Variants in C11orf21 observed in about 807,000 individuals in gnomAD.
C11orf21 encodes the protein chromosome 11 open reading frame 21.
Under a neutral mutation model 15.2 loss-of-function variants are expected in C11orf21, and 19 were observed. The ratio of observed to expected loss-of-function variants is 1.25; its 90% CI spans 0.87 to 1.84. The LOEUF (loss-of-function observed/expected upper bound fraction) is 1.84, where lower values mean the gene tolerates loss of function less well. Ranked by LOEUF, C11orf21 falls within the 40% of genes most tolerant of loss-of-function variation. The pLI is 0.00. For synonymous variants in C11orf21, 62 were observed against 66.8 expected (o/e 0.93, Z 0.35); for missense variants, 171 against 174.4 (o/e 0.98, Z 0.11).
chr11:2,301,143 G>A (rs936784086), intron 1 of C11orf21: 5 of 273,174 alleles, frequency 1.8e-5, no homozygotes, highest in Non-Finnish European at 3.5e-5. Flanking sequence ...CTCCAGCAGC[G>A]TTCCTGAGCG....
intron 1 of C11orf21, 173 bp downstream of exon 1, chr11:2,301,583 G>T (rs1255282982): frequency 3.5e-6 from 2 of 578,028 alleles, no homozygotes; most frequent in South Asian, 2.5e-5. Flanking sequence ...GCCCACGAAG[G>T]CATTAAAACC....
intron 2 of C11orf21, 29 bp from the exon 3 acceptor site, chr11:2,299,736 C>G (rs16928081): frequency 6.5e-7 from 1 of 1,547,614 alleles, no homozygotes; most frequent in African/African-American, 1.4e-5. Context: ...GTAGAGTGAG[C>G]GGGCGCACCT....
chr11:2,302,504 C>A (rs974101362), upstream of C11orf21, among the ~76,000 whole-genome samples: 1 of 152,096 alleles, frequency 6.6e-6, no homozygotes, highest in Non-Finnish European at 1.5e-5. Flanking sequence ...GGCTGCCGGG[C>A]TCCAGGGATC....
chr11:2,302,361 GC>G (rs1192991962), upstream of C11orf21: 1 of 947,672 alleles, frequency 1.1e-6, no homozygotes, highest in East Asian at 3.0e-5. Flanking sequence ...CATGTGTCCT[GC>G]CCTTGCAGAC....
chr11:2,301,059 G>C, intron 1 of C11orf21: 1 of 424,586 alleles, frequency 2.4e-6, no homozygotes, highest in Non-Finnish European at 4.3e-6. Flanking sequence ...GGCTGGACGG[G>C]GGTCCTGGTT....
At position 2,300,545 on chromosome 11, in the gene C11orf21, G is replaced by A. The variant is rs1847690019; in HGVS notation, c.122C>T (p.Thr41Ile). Reference sequence around the variant, plus strand: ...CTGGTCTCTGGAGGGCCAGCCGGGGGTTCCCGTCCACCTGTCAGGGGGTTC... The same window carrying A: ...CTGGTCTCTGGAGGGCCAGCCGGGGATTCCCGTCCACCTGTCAGGGGGTTC... Reference protein sequence around the residue: ...GVEPPDRWTGTPGWPSRDQEA... With the variant: ...GVEPPDRWTGIPGWPSRDQEA... The change falls in exon 2 of 4, where the codon ACC (threonine) becomes ATC (isoleucine). Residue 41 changes from threonine (T) to isoleucine (I), a missense_variant. Transcript: ENST00000381153. 1.2e-5 allele frequency: 18 copies of A among 1,548,726 alleles called. No homozygotes were observed. Among genetic ancestry groups the A allele is most frequent in the Admixed American group, 2.0e-5 (1 of 50,600 alleles).
intron 3 of C11orf21, among the ~76,000 whole-genome samples, chr11:2,298,512 G>A (rs1170876740): frequency 2.6e-5 from 4 of 152,312 alleles, no homozygotes; most frequent in African/African-American, 9.6e-5. Context: ...GGGAGGGTCC[G>A]ATGTGCATTT....
At position 2,301,418 on chromosome 11, in the gene C11orf21, G is replaced by A. The variant is rs114227597; in HGVS notation, c.53+338C>T. 591 of 234,798 alleles carry A rather than the reference G, an allele frequency of 2.5e-3. 5 individuals carry two copies. Among genetic ancestry groups the A allele is most frequent in the African/African-American group, 0.013 (570 of 43,824 alleles). The allele number at this position is 234,798 out of a possible 1,614,324, so 14.5% of individuals were successfully genotyped here. On this transcript the variant is annotated intron_variant, in intron 1 of 3. Transcript: ENST00000381153. ...ACCCTGCCTGTACTGGGGCCGCAGCGCTGCCCCCACCCATACGTAATTACA... is the reference window on the plus strand; with the variant it reads ...ACCCTGCCTGTACTGGGGCCGCAGCACTGCCCCCACCCATACGTAATTACA...
chr11:2,303,059 C>G (rs1426307227), upstream of C11orf21: 19 of 1,124,772 alleles, frequency 1.7e-5, no homozygotes, highest in Non-Finnish European at 1.9e-5. Context: ...TGGTGCCAGG[C>G]CCTAGGCAGG....
chr11:2,302,817 C>T, upstream of C11orf21: 2 of 1,599,588 alleles, frequency 1.3e-6, no homozygotes, highest in Non-Finnish European at 1.7e-6. Flanking sequence ...TCCCATGCCC[C>T]ACACTCTGAG....
chr11:2,298,679 C>T (rs1847590862), intron 3 of C11orf21, among the ~76,000 whole-genome samples: 1 of 152,200 alleles, frequency 6.6e-6, no homozygotes, highest in Non-Finnish European at 1.5e-5. Flanking sequence ...GTGGCCCAGG[C>T]AGGACAGCAG....
In C11orf21 at chr11:2,296,812, C is replaced by T. The variant is rs998081734; in HGVS notation, c.*1138G>A. On this transcript the variant is annotated 3_prime_UTR_variant, in exon 4 of 4. Transcript: ENST00000381153. The surrounding 1 kb of genome is among the most constrained non-coding windows in gnomAD (Gnocchi z 5.6). ...GTGGCCACCCCCACTGGGCTGTGCC[C>T]TGCCTCCTTAAAGACTGTGAGCGAG... is the stretch of plus-strand genomic sequence containing the variant. 1 of 152,406 alleles carries T rather than the reference C, an allele frequency of 6.6e-6. No individual in the cohort carries two copies. The highest frequency in any genetic ancestry group is 2.4e-5 in the African/African-American group (1 of 41,470). 9.4% of individuals were successfully genotyped at this position (152,406 alleles called of 1,614,324 possible).
At chr11:2,302,308 G>GAC, upstream of C11orf21, 4 of 1,242,036 alleles carry the variant, frequency 3.2e-6, no homozygotes, top group Middle Eastern at 2.7e-4. Context: ...TCCCTCCCCT[G>GAC]ACACACACAC....
rs1589784337 is a variant in C11orf21, at chr11:2,299,823, T to C, written c.148-116A>G. On this transcript the variant is annotated intron_variant, in intron 2 of 3. Transcript: ENST00000381153. Reference sequence around the variant, plus strand: ...GTAAACACATATGCATGCACACACATCCACGTCTGCACACGCATCCACGCC... The same window carrying C: ...GTAAACACATATGCATGCACACACACCCACGTCTGCACACGCATCCACGCC... 4 of 603,190 alleles carry C rather than the reference T, an allele frequency of 6.6e-6. No homozygotes were observed. The East Asian group carries it at 1.4e-4, about 21-fold the overall frequency. 37.4% of individuals were successfully genotyped at this position (603,190 alleles called of 1,614,324 possible). A position where few individuals can be genotyped will look rare whatever the true frequency, so the allele number is the denominator to read the frequency against.
rs1847614518 is a variant in C11orf21, at chr11:2,299,367, G to C, written c.*28+61C>G. 2.7e-6 allele frequency: 4 copies of C among 1,484,458 alleles called. No individual in the cohort carries two copies. In the African/African-American group the frequency reaches 4.2e-5, roughly 16 times the overall value. The allele number at this position is 1,484,458 out of a possible 1,614,324, so 92.0% of individuals were successfully genotyped here. A position where few individuals can be genotyped will look rare whatever the true frequency, so the allele number is the denominator to read the frequency against. ...TCTTGAGTGCCTCCCCGGTGGGAGG[G>C]GCCGCGCTCACAGACAGCACAGGGG... On this transcript the variant is annotated intron_variant, in intron 3 of 3. Coordinates refer to ENST00000381153, the MANE Select transcript of C11orf21 (RefSeq NM_001329958.2).
At chr11:2,302,953 A>C (rs181067559), upstream of C11orf21, 4 of 1,613,104 alleles carry the variant, frequency 2.5e-6, no homozygotes, top group African/African-American at 4.0e-5. Context: ...GCTGTGCACC[A>C]ATGGGGTAAG....
chr11:2,302,913 C>A (rs559404880), upstream of C11orf21: 7 of 1,613,722 alleles, frequency 4.3e-6, no homozygotes, highest in Admixed American at 1.2e-4. Context: ...TGTCATCCGC[C>A]GAGCGTCCCT....
chr11:2,302,893 C>T (rs369696526), upstream of C11orf21: 3 of 1,613,682 alleles, frequency 1.9e-6, no homozygotes, highest in African/African-American at 1.3e-5. Context: ...TACTTCGGGG[C>T]CCACTTTGCT....
At chr11:2,301,960 G>A, upstream of C11orf21, 1 of 1,493,918 alleles carries the variant, frequency 6.7e-7, no homozygotes, top group Non-Finnish European at 8.9e-7. Context: ...CAACCTCACT[G>A]CCCCTCCCCT....
Sources: allele counts gnomAD v4.1 joint callset (sites outside exome capture counted in the v4.1 genomes callset), GRCh38; gene constraint gnomAD v4.1.1; non-coding constraint Gnocchi (gnomAD v3.1); transcripts MANE v1.5; gene names NCBI Gene and HGNC (gene_info 2026-07-23, HGNC 2026-07-21).